Variants in FER observed in about 807,000 individuals in gnomAD.
FER encodes the protein tyrosine-protein kinase Fer.
A neutral mutation model predicts 111.0 loss-of-function variants in FER; 63 were observed. The observed-to-expected ratio is 0.57, with a 90% confidence interval of 0.46 to 0.70. The LOEUF (loss-of-function observed/expected upper bound fraction) is 0.70. Among genes scored for constraint, FER ranks in the 30% least tolerant of loss-of-function variants. The pLI is 0.00. For synonymous variants in FER, 327 were observed against 313.9 expected (o/e 1.04, Z -0.44); for missense variants, 914 against 954.0 (o/e 0.96, Z 0.55).
At chr5:108,753,073 G>C (rs1300510865) in intron 1 of FER, among the ~76,000 whole-genome samples, 1 of 152,006 alleles carries the variant, frequency 6.6e-6, no homozygotes, top group Non-Finnish European at 1.5e-5. Flanking sequence ...TAGTAAAATT[G>C]CTTCACTAGC....
At chr5:108,788,110 A>G (rs1754947160) in intron 2 of FER, among the ~76,000 whole-genome samples, 1 of 152,168 alleles carries the variant, frequency 6.6e-6, no homozygotes. Context: ...ACATGCTGTA[A>G]CACCCTTTTT....
At position 108,959,323 on chromosome 5, in the gene FER, A is replaced by G. The variant is rs1758850412; in HGVS notation, c.1632A>G (p.Val544=). 1 of 1,611,622 alleles carries G rather than the reference A, an allele frequency of 6.2e-7. No homozygotes were observed. The highest frequency in any genetic ancestry group is 8.5e-7 in the Non-Finnish European group (1 of 1,178,542). The change falls in exon 13 of 20, where the codon GTA becomes GTG. Residue 544 remains valine, a synonymous_variant. Transcript: ENST00000281092. ...AGGTCATCACTAAGAAATCAGGTGTAGTTCTGCTGAATCCTATTCCTAAGG... is the reference window on the plus strand; with the variant it reads ...AGGTCATCACTAAGAAATCAGGTGTGGTTCTGCTGAATCCTATTCCTAAGG... The part of the protein sequence containing the change: ...TKQVITKKSG[V]VLLNPIPKDK...
intron 17 of FER, among the ~76,000 whole-genome samples, chr5:109,127,854 A>G (rs902053084): frequency 3.9e-5 from 6 of 152,166 alleles, no homozygotes; most frequent in Non-Finnish European, 7.4e-5. Flanking sequence ...GCTCCTGAAA[A>G]TCAATGTATG....
intron 17 of FER, among the ~76,000 whole-genome samples, chr5:109,122,840 G>A (rs1264729318): frequency 6.6e-6 from 1 of 151,926 alleles, no homozygotes; most frequent in South Asian, 2.1e-4. Context: ...CTCTTTTTTA[G>A]TTTTTGTCTT....
chr5:108,974,085 T>C (rs935086629), intron 13 of FER, among the ~76,000 whole-genome samples: 5 of 152,210 alleles, frequency 3.3e-5, no homozygotes, highest in Non-Finnish European at 7.3e-5. Context: ...TCTGATTATC[T>C]CTTGAGTTAA....
At chr5:109,101,398 G>T (rs1030745544) in intron 17 of FER, among the ~76,000 whole-genome samples, 12 of 151,858 alleles carry the variant, frequency 7.9e-5, no homozygotes, top group Non-Finnish European at 1.2e-4. Context: ...TCATTGTCCA[G>T]GCTTTGCTTT....
intron 3 of FER, among the ~76,000 whole-genome samples, chr5:108,811,670 A>G (rs1014258542): frequency 1.3e-5 from 2 of 152,202 alleles, no homozygotes; most frequent in African/African-American, 4.8e-5. Context: ...TAAAAGACAC[A>G]CGATATGCTG....
chr5:109,073,209 G>A (rs1312368958), intron 16 of FER, among the ~76,000 whole-genome samples: 1 of 152,026 alleles, frequency 6.6e-6, no homozygotes. Flanking sequence ...TGTTTTATTG[G>A]GTTATGTTAT....
intron 10 of FER, among the ~76,000 whole-genome samples, chr5:108,933,169 A>T (rs1302137421): frequency 6.6e-6 from 1 of 152,154 alleles, no homozygotes; most frequent in East Asian, 1.9e-4. Flanking sequence ...GTGTTTGCCC[A>T]TGCCTATGTC....
intron 17 of FER, among the ~76,000 whole-genome samples, chr5:109,114,823 C>A (rs781029088): frequency 2.0e-5 from 3 of 152,040 alleles, no homozygotes; most frequent in Non-Finnish European, 4.4e-5. Context: ...TGATTCAAAT[C>A]ATTTCCACTC....
chr5:108,851,233 C>T (rs1267046004), intron 5 of FER, among the ~76,000 whole-genome samples: 7 of 152,142 alleles, frequency 4.6e-5, no homozygotes, highest in African/African-American at 1.4e-4. Flanking sequence ...GCCTCACAAT[C>T]GTGGCAGAAG....
At chr5:108,944,142 A>G (rs7711878) in intron 10 of FER, among the ~76,000 whole-genome samples, 1 of 137,786 alleles carries the variant, frequency 7.3e-6, no homozygotes, top group Non-Finnish European at 1.6e-5. Context: ...CACACACACA[A>G]ACACACACAC....
intron 13 of FER, among the ~76,000 whole-genome samples, chr5:109,034,872 G>A (rs970672476): frequency 1.3e-5 from 2 of 151,998 alleles, no homozygotes; most frequent in African/African-American, 4.8e-5. Context: ...TATATATAGG[G>A]TTTGGGGTGG....
In FER at chr5:109,169,659, A is replaced by G. The variant is rs540826222; in HGVS notation, c.2049-11088A>G. Among the ~76,000 whole-genome samples, 89 of 152,342 alleles carry G rather than the reference A, an allele frequency of 5.8e-4. 2 individuals carry two copies. In the South Asian group the frequency reaches 0.018, roughly 31 times the overall value. Reference sequence around the variant, plus strand: ...TTTCCATTAACAGAATACTGGTGCTACAATAAATATATTTCCCCTTTGTAT... The same window carrying G: ...TTTCCATTAACAGAATACTGGTGCTGCAATAAATATATTTCCCCTTTGTAT... On this transcript the variant is annotated intron_variant, in intron 17 of 19. Coordinates refer to ENST00000281092, the MANE Select transcript of FER (RefSeq NM_005246.4).
At chr5:108,967,890 C>T (rs1760106209) in intron 13 of FER, among the ~76,000 whole-genome samples, 2 of 151,378 alleles carry the variant, frequency 1.3e-5, no homozygotes, top group African/African-American at 2.4e-5. Flanking sequence ...TGTGGCTTGG[C>T]TTTCTGGCTT....
chr5:108,953,157 A>G (rs1757988617), intron 11 of FER, among the ~76,000 whole-genome samples: 1 of 151,960 alleles, frequency 6.6e-6, no homozygotes, highest in African/African-American at 2.4e-5. Context: ...ATAATTGTAA[A>G]TTATTAGTAT....
At chr5:108,882,353 A>T (rs1045477357) in intron 8 of FER, among the ~76,000 whole-genome samples, 5 of 152,058 alleles carry the variant, frequency 3.3e-5, no homozygotes, top group African/African-American at 1.2e-4. Flanking sequence ...CAATTTTAGT[A>T]GGTGAAAAAT....
chr5:108,994,756 T>C (rs1463581957), intron 13 of FER, among the ~76,000 whole-genome samples: 1 of 152,228 alleles, frequency 6.6e-6, no homozygotes, highest in Non-Finnish European at 1.5e-5. Flanking sequence ...GGAATGTTTT[T>C]CCATTTGTTT....
chr5:108,934,193 C>G (rs1305518463), intron 10 of FER, among the ~76,000 whole-genome samples: 2 of 152,096 alleles, frequency 1.3e-5, no homozygotes, highest in South Asian at 2.1e-4. Flanking sequence ...TGTATGTAAT[C>G]TAGGCAACCT....
Sources: gnomAD v4.1 joint callset for allele counts (sites outside exome capture counted in the v4.1 genomes callset) on GRCh38, gnomAD v4.1.1 for gene constraint, MANE v1.5 for transcripts, NCBI Gene and HGNC (gene_info 2026-07-23, HGNC 2026-07-21) for gene names.